SMAD3: variants seen among roughly 807,000 people sequenced by gnomAD.
SMAD3 encodes SMAD family member 3.
In SMAD3, 12 loss-of-function variants were observed where a neutral mutation model predicts 51.8. The ratio of observed to expected loss-of-function variants is 0.23; its 90% CI spans 0.15 to 0.38. The LOEUF (loss-of-function observed/expected upper bound fraction) is 0.38. SMAD3 is among the 10% of genes least tolerant of loss of function. SMAD3 has a pLI of 1.00. For missense variants in SMAD3, 294 were observed against 565.6 expected (o/e 0.52, Z 4.87); for synonymous variants, 238 against 227.7 (o/e 1.05, Z -0.41).
intron 1 of SMAD3, among the ~76,000 whole-genome samples, chr15:67,103,652 G>C (rs1337331833): frequency 6.6e-6 from 1 of 152,180 alleles, no homozygotes; most frequent in Non-Finnish European, 1.5e-5. Flanking sequence ...TTGTGGAGCT[G>C]AATGTGTGTG....
chr15:67,081,812 C>T (rs548680505), intron 1 of SMAD3, among the ~76,000 whole-genome samples: 8 of 152,276 alleles, frequency 5.3e-5, no homozygotes, highest in Non-Finnish European at 1.0e-4. Flanking sequence ...TATTGTATCA[C>T]ATGCAGTCAA....
At chr15:67,147,481 A>G (rs766589371) in intron 1 of SMAD3, among the ~76,000 whole-genome samples, 5 of 152,150 alleles carry the variant, frequency 3.3e-5, no homozygotes, top group Non-Finnish European at 5.9e-5. Flanking sequence ...GCTCACTCAG[A>G]AGGATCCCTG....
rs191767449 is a variant in SMAD3, at chr15:67,177,083, G to C, written c.659-4158G>C. ...CTTGAAACCAGATCTTAATTTGCTT[G>C]CTTGCTTGATCAGTTGATTGATTGG... On this transcript the variant is annotated intron_variant, in intron 5 of 8. Transcript: ENST00000327367. Among the ~76,000 whole-genome samples, 572 of 152,270 alleles carry C rather than the reference G, an allele frequency of 3.8e-3. 1 individual carries two copies. The highest frequency in any genetic ancestry group is 6.4e-3 in the Non-Finnish European group (437 of 68,022).
chr15:67,174,858 A>G (rs1180049573), intron 5 of SMAD3, among the ~76,000 whole-genome samples: 1 of 152,242 alleles, frequency 6.6e-6, no homozygotes, highest in African/African-American at 2.4e-5. Context: ...TCCAGGTGTT[A>G]GCCCCAGGGC....
intron 1 of SMAD3, among the ~76,000 whole-genome samples, chr15:67,114,069 T>C (rs1961082810): frequency 6.6e-6 from 1 of 152,234 alleles, no homozygotes; most frequent in South Asian, 2.1e-4. Context: ...TCATGCTTCC[T>C]GAGTGCTGGC....
intron 4 of SMAD3, among the ~76,000 whole-genome samples, chr15:67,168,791 C>T (rs1460873366): frequency 6.6e-6 from 1 of 152,152 alleles, no homozygotes; most frequent in Non-Finnish European, 1.5e-5. Context: ...TTGCGGACCC[C>T]AGCCAGTGTG....
intron 1 of SMAD3, among the ~76,000 whole-genome samples, chr15:67,097,900 G>C (rs1256249262): frequency 6.6e-6 from 1 of 152,140 alleles, no homozygotes; most frequent in Non-Finnish European, 1.5e-5. Flanking sequence ...AGTTCTTCAG[G>C]CTGTGCTCTA....
In SMAD3 at chr15:67,066,324, C is replaced by T; in HGVS notation, c.170C>T (p.Thr57Met). 1 of 1,613,532 alleles carries T rather than the reference C, an allele frequency of 6.2e-7. No individual in the cohort carries two copies. Among genetic ancestry groups the T allele is most frequent in the Non-Finnish European group, 8.5e-7 (1 of 1,179,804 alleles). Residue 57 changes from threonine to methionine, a missense_variant, in exon 1 of 9, where the codon ACG becomes ATG. Physicochemically the swap from Thr to Met is moderately conservative, Grantham distance 81 (BLOSUM62 -1). Coordinates refer to ENST00000327367, the MANE Select transcript of SMAD3 (RefSeq NM_005902.4). ...GACGAGCTGGAGAAGGCCATCACCA[C>T]GCAGAACGTCAACACCAAGTGCATC... is the stretch of plus-strand genomic sequence containing the variant. The part of the protein sequence containing the change: ...QLDELEKAIT[T>M]QNVNTKCITI...
intron 1 of SMAD3, among the ~76,000 whole-genome samples, chr15:67,117,241 A>G (rs959622041): frequency 3.3e-5 from 5 of 152,144 alleles, no homozygotes; most frequent in Admixed American, 2.6e-4. Flanking sequence ...AGGATACACA[A>G]TTGGGTCTTT....
intron 5 of SMAD3, among the ~76,000 whole-genome samples, chr15:67,177,790 C>T (rs1432216284): frequency 6.6e-6 from 1 of 151,654 alleles, no homozygotes; most frequent in Non-Finnish European, 1.5e-5. Flanking sequence ...CAGGTGGTGA[C>T]CATACTTTCT....
intron 1 of SMAD3, among the ~76,000 whole-genome samples, chr15:67,133,751 A>AAG (rs1167781073): frequency 6.6e-6 from 1 of 152,196 alleles, no homozygotes; most frequent in African/African-American, 2.4e-5. Context: ...TATTCCCCAG[A>AAG]AGAGAGCACT....
rs570761996 is a variant in SMAD3, at chr15:67,118,114, T to C, written c.207-46781T>C. On this transcript the variant is annotated intron_variant, in intron 1 of 8. Transcript: ENST00000327367. The stretch of plus-strand genomic sequence containing the variant: ...CTCAAAAAATAAAAAAGAGAGAGTC[T>C]GAAATTCATTCTTTCAACATGCTTG... Among the ~76,000 whole-genome samples the C allele has an allele frequency of 9.2e-5, 14 of 152,294 alleles. No homozygotes were observed. The South Asian group carries it at 2.9e-3, about 32-fold the overall frequency.
At chr15:67,113,076 G>GTATGTATATA (rs1555408270) in intron 1 of SMAD3, among the ~76,000 whole-genome samples, 1 of 34,972 alleles carries the variant, frequency 2.9e-5, no homozygotes, top group African/African-American at 1.0e-4. Context: ...ATATATATGT[G>GTATGTATATA]TATATATATA....
intron 1 of SMAD3, among the ~76,000 whole-genome samples, chr15:67,154,493 G>A (rs731874): frequency 0.19 from 29,244 of 152,120 alleles, 3,514 homozygotes; most frequent in Non-Finnish European, 0.28. Context: ...TGGTCACTGT[G>A]GTAGAACTTG....
chr15:67,157,531 G>A (rs1457547528), intron 1 of SMAD3, among the ~76,000 whole-genome samples: 1 of 152,256 alleles, frequency 6.6e-6, no homozygotes, highest in Non-Finnish European at 1.5e-5. Context: ...TGCTCACATA[G>A]CAGTCGTGTG....
chr15:67,100,088 G>A (rs1035764448), intron 1 of SMAD3, among the ~76,000 whole-genome samples: 2 of 151,340 alleles, frequency 1.3e-5, no homozygotes, highest in Non-Finnish European at 2.9e-5. Context: ...GGCTGAGGCA[G>A]GAGAATTGCT....
intron 1 of SMAD3, among the ~76,000 whole-genome samples, chr15:67,162,305 C>T (rs893396890): frequency 1.3e-5 from 2 of 152,206 alleles, no homozygotes; most frequent in African/African-American, 4.8e-5. Flanking sequence ...AAATGTCTCA[C>T]TGCCAGCCCT....
At chr15:67,165,200 G>T (rs1419416281) in intron 2 of SMAD3, 53 bp from the exon 3 acceptor site, 2 of 1,613,888 alleles carry the variant, frequency 1.2e-6, no homozygotes, top group Non-Finnish European at 1.7e-6. Flanking sequence ...GGGGACTTTG[G>T]TGCTGGTCTG....
chr15:67,145,573 C>T (rs1287056015), intron 1 of SMAD3, among the ~76,000 whole-genome samples: 4 of 152,106 alleles, frequency 2.6e-5, no homozygotes, highest in Admixed American at 6.5e-5. Context: ...AGTGGATGTT[C>T]GGCAACATCA....
Sources: gnomAD v4.1 joint callset for allele counts (sites outside exome capture counted in the v4.1 genomes callset) on GRCh38, gnomAD v4.1.1 for gene constraint, MANE v1.5 for transcripts, NCBI Gene and HGNC (gene_info 2026-07-23, HGNC 2026-07-21) for gene names.